The following LRRC74A variants were observed in gnomAD, a reference collection of about 807,000 sequenced individuals.
LRRC74A encodes the protein leucine rich repeat containing 74A.
LRRC74A carries 44 observed loss-of-function variants against 57.9 expected under a neutral mutation model. The observed-to-expected ratio is 0.76, with a 90% CI of 0.60 to 0.98. The LOEUF is 0.98. Among genes scored for constraint, LRRC74A ranks in the 50% least tolerant of loss-of-function variants. LRRC74A has a pLI of 0.00. For missense variants in LRRC74A, 572 were observed against 574.0 expected, an observed-to-expected ratio of 1.00 and a Z score of 0.04; for synonymous variants, 211 against 219.4, an observed-to-expected ratio of 0.96 and a Z score of 0.34.
At chr14:76,858,900 C>T (rs891580517) in intron 10 of LRRC74A, among the ~76,000 whole-genome samples, 12 of 152,158 alleles carry the variant, frequency 7.9e-5, no homozygotes, top group African/African-American at 2.4e-4. Flanking sequence ...CCAGTGATGG[C>T]ATTTGAATAT....
intron 7 of LRRC74A, among the ~76,000 whole-genome samples, chr14:76,845,771 A>G (rs950902261): frequency 1.3e-5 from 2 of 152,288 alleles, no homozygotes; most frequent in Non-Finnish European, 2.9e-5. Flanking sequence ...CTGTAGTCCC[A>G]GCACTTCGGG....
intron 13 of LRRC74A, among the ~76,000 whole-genome samples, chr14:76,869,708 G>C (rs1036906214): frequency 4.0e-5 from 6 of 150,700 alleles, no homozygotes; most frequent in Non-Finnish European, 8.8e-5. Context: ...GTTGCAGTGA[G>C]CTGAGATCGC....
chr14:76,842,778 G>C (rs1489349396), intron 5 of LRRC74A, among the ~76,000 whole-genome samples: 1 of 152,128 alleles, frequency 6.6e-6, no homozygotes, highest in African/African-American at 2.4e-5. Flanking sequence ...TGGGAATAAG[G>C]CTCTATGTCA....
rs1897673071 is a variant in LRRC74A, at chr14:76,853,542, T to G, written c.957+132T>G. On this transcript the variant is annotated intron_variant, in intron 9 of 13. Coordinates refer to ENST00000689127, the MANE Select transcript of LRRC74A (RefSeq NM_001385106.1). The stretch of plus-strand genomic sequence containing the variant: ...GGAATATCTGTACTTCATATATGCA[T>G]GTACTTTTTACCATCTCTTGACTGT... 3.5e-6 allele frequency: 3 copies of G among 868,260 alleles called. No homozygotes were observed. In the South Asian group the frequency reaches 5.2e-5, roughly 15 times the overall value. The allele number at this position is 868,260 out of a possible 1,614,324, so 53.8% of individuals were successfully genotyped here. A position where few individuals can be genotyped will look rare whatever the true frequency, so the allele number is the denominator to read the frequency against.
chr14:76,826,568 C>G lies in LRRC74A; in HGVS notation c.-130C>G, dbSNP rs374629334. On this transcript the variant is annotated 5_prime_UTR_variant, in exon 1 of 14. Coordinates refer to ENST00000689127, the MANE Select transcript of LRRC74A (RefSeq NM_001385106.1). ...GGAGGGAAGGATAACTGCAGGCTCC[C>G]CTGGGATGCCCCCAGGTGAGGGAAG... 6.2e-7 allele frequency: 1 copy of G among 1,612,648 alleles called. No individual in the cohort carries two copies. Among genetic ancestry groups the G allele is most frequent in the African/African-American group, 1.3e-5 (1 of 74,898 alleles).
At chr14:76,857,305 A>T in intron 9 of LRRC74A, 75 bp from the exon 10 acceptor site, 1 of 838,642 alleles carries the variant, frequency 1.2e-6, no homozygotes, top group Non-Finnish European at 2.0e-6. Flanking sequence ...TGATTTGATG[A>T]GATGTAGAAA....
At position 76,870,244 on chromosome 14, in the gene LRRC74A, T is replaced by G; in HGVS notation, c.*95T>G. On this transcript the variant is annotated 3_prime_UTR_variant, in exon 14 of 14. Transcript: ENST00000689127. ...GAGCAAGAGGTGGCTGAAATCTCGA[T>G]GGACAGATGCTGTGGCAGGGGCTGG... 1 of 1,335,782 alleles carries G rather than the reference T, an allele frequency of 7.5e-7. No individual in the cohort carries two copies. The highest frequency in any genetic ancestry group is 1.1e-6 in the Non-Finnish European group (1 of 949,818). The allele number at this position is 1,335,782 out of a possible 1,614,324, so 82.7% of individuals were successfully genotyped here.
intron 11 of LRRC74A, 108 bp downstream of exon 11, chr14:76,860,947 C>A (rs773131297): frequency 4.3e-5 from 46 of 1,059,724 alleles, no homozygotes; most frequent in South Asian, 6.9e-5. Flanking sequence ...TCTGTACAAC[C>A]CTCTCTGATA....
At position 76,860,715 on chromosome 14, in the gene LRRC74A, T is replaced by C. The variant is rs1313135218; in HGVS notation, c.1076T>C (p.Phe359Ser). 1 of 1,611,832 alleles carries C rather than the reference T, an allele frequency of 6.2e-7. No homozygotes were observed. Among genetic ancestry groups the C allele is most frequent in the Admixed American group, 1.7e-5 (1 of 59,782 alleles). The change falls in exon 11 of 14, where the codon TTC (phenylalanine) becomes TCC (serine). Residue 359 changes from phenylalanine to serine, a missense_variant. Phe to Ser is a radical substitution (Grantham distance 155). Coordinates refer to ENST00000689127, the MANE Select transcript of LRRC74A (RefSeq NM_001385106.1). The stretch of plus-strand genomic sequence containing the variant: ...CAGAACGTGCTGGTGTCCGAGCAGT[T>C]CATGAAAACGTTGGACGGAGTGTAT... Reference protein sequence around the residue: ...DISNVLVSEQFMKTLDGVYAV... With the variant: ...DISNVLVSEQSMKTLDGVYAV...
At chr14:76,867,509 A>G (rs2293805) in intron 13 of LRRC74A, 71 bp downstream of exon 13, 76,855 of 786,476 alleles carry the variant, frequency 0.098, 4,812 homozygotes, top group African/African-American at 0.24. Context: ...GAGCTCCTCC[A>G]GCTTTCCTGT....
At chr14:76,831,510 C>A in intron 3 of LRRC74A, 135 bp downstream of exon 3, 1 of 917,978 alleles carries the variant, frequency 1.1e-6, no homozygotes, top group Non-Finnish European at 1.6e-6. Flanking sequence ...CTGCCCTGGG[C>A]TCTGCTTGGC....
rs867737007 is a variant in LRRC74A at position 76,864,415 on chromosome 14, G to C, written c.1201-1553G>C. Reference sequence around the variant, plus strand: ...AGTTTCTGAGAGTGAGAGGAAGGGGGGGGGGGGGTGGCGGGGGGAAGGGGG... The same window carrying C: ...AGTTTCTGAGAGTGAGAGGAAGGGGCGGGGGGGGTGGCGGGGGGAAGGGGG... On this transcript the variant is annotated intron_variant, in intron 11 of 13. Transcript: ENST00000689127. Among the ~76,000 whole-genome samples the C allele has an allele frequency of 5.3e-3, 668 of 127,010 alleles. 10 individuals carry two copies. The highest frequency in any genetic ancestry group is 9.5e-3 in the Non-Finnish European group (561 of 58,756). 83.3% of individuals were successfully genotyped at this position (127,010 alleles called of 152,430 possible).
chr14:76,867,490 G>A (rs1566748795), intron 13 of LRRC74A, 52 bp downstream of exon 13: 1 of 950,328 alleles, frequency 1.1e-6, no homozygotes, highest in Non-Finnish European at 1.7e-6. Flanking sequence ...GCCCTGGCTG[G>A]GCTGATGTGA....
rs1897642779 is a variant in LRRC74A, at chr14:76,853,325, A to G, written c.872A>G (p.Asp291Gly). The change falls in exon 9 of 14, where the codon GAT (aspartate) becomes GGT (glycine). Residue 291 changes from aspartate (D) to glycine (G), a missense_variant. Coordinates refer to ENST00000689127, the MANE Select transcript of LRRC74A (RefSeq NM_001385106.1). ...CTCAACCGCTGCCTGGTCTACCTGG[A>G]TATCGGTGGCAATGACATCGGCAAT... ...LRLNRCLVYLDIGGNDIGNEG... is the reference protein window; with the variant it reads ...LRLNRCLVYLGIGGNDIGNEG... 6.2e-7 allele frequency: 1 copy of G among 1,613,204 alleles called. No homozygotes were observed. Among genetic ancestry groups the G allele is most frequent in the Non-Finnish European group, 8.5e-7 (1 of 1,179,638 alleles).
At chr14:76,862,146 C>T (rs577505947) in intron 11 of LRRC74A, among the ~76,000 whole-genome samples, 33 of 152,334 alleles carry the variant, frequency 2.2e-4, no homozygotes, top group African/African-American at 7.7e-4. Flanking sequence ...GGAGACCAAA[C>T]ATGCAGAGTC....
chr14:76,829,262 A>T (rs1895805987), intron 2 of LRRC74A: 1 of 1,154,820 alleles, frequency 8.7e-7, no homozygotes, highest in Non-Finnish European at 1.1e-6. Context: ...GGCAGCAGAG[A>T]TGGAGGAAGG....
intron 9 of LRRC74A, among the ~76,000 whole-genome samples, chr14:76,856,039 C>G (rs900696830): frequency 3.9e-5 from 6 of 152,244 alleles, no homozygotes; most frequent in African/African-American, 1.2e-4. Flanking sequence ...CCTAGCTCCA[C>G]TGGGATAATG....
At chr14:76,859,548 A>AC (rs943943986) in intron 10 of LRRC74A, among the ~76,000 whole-genome samples, 6 of 151,422 alleles carry the variant, frequency 4.0e-5, no homozygotes, top group African/African-American at 1.5e-4. Context: ...AAAAAAAAAA[A>AC]AAAGAAACAT....
chr14:76,863,185 A>AGTGTGTGTGTGAGTGTGTGT (rs1555369210), intron 11 of LRRC74A, among the ~76,000 whole-genome samples: 1 of 145,206 alleles, frequency 6.9e-6, no homozygotes, highest in Non-Finnish European at 1.5e-5. Context: ...CATGCATGTG[A>AGTGTGTGTGTGAGTGTGTGT]GTGTGTGTGT....
Sources: gnomAD v4.1 joint callset for allele counts (sites outside exome capture counted in the v4.1 genomes callset) on GRCh38, gnomAD v4.1.1 for gene constraint, MANE v1.5 for transcripts, NCBI Gene and HGNC (gene_info 2026-07-23, HGNC 2026-07-21) for gene names.